The following RSL1D1 variants were observed in gnomAD, a reference collection of about 807,000 sequenced individuals.
RSL1D1 encodes the protein ribosomal L1 domain containing 1.
RSL1D1 carries 34 observed loss-of-function variants against 44.6 expected under a neutral mutation model. The ratio of observed to expected loss-of-function variants is 0.76; its 90% CI spans 0.58 to 1.02. The LOEUF is 1.02. Among genes scored for constraint, RSL1D1 ranks in the 50% least tolerant of loss-of-function variants. The pLI is 0.00. For synonymous variants in RSL1D1, 271 were observed against 207.4 expected, an observed-to-expected ratio of 1.31 and a Z score of -2.63; for missense variants, 767 against 568.1, an observed-to-expected ratio of 1.35 and a Z score of -3.56.
intron 8 of RSL1D1, among the ~76,000 whole-genome samples, 183 bp downstream of exon 8, chr16:11,839,511 TA>T (rs1384929541): frequency 7.7e-6 from 1 of 129,932 alleles, no homozygotes; most frequent in African/African-American, 3.0e-5. Context: ...CTGGGCAATA[TA>T]GCAAGATCCC....
At chr16:11,847,618 C>T (rs1202795251) in intron 3 of RSL1D1, 50 bp downstream of exon 3, 2 of 1,478,506 alleles carry the variant, frequency 1.4e-6, no homozygotes, top group Non-Finnish European at 1.9e-6. Flanking sequence ...TACCATTTCG[C>T]CTGAATTAAA....
At chr16:11,846,343 C>T (rs1335253576) in intron 5 of RSL1D1, among the ~76,000 whole-genome samples, 158 bp downstream of exon 5, 1 of 149,792 alleles carries the variant, frequency 6.7e-6, no homozygotes, top group Admixed American at 6.7e-5. Context: ...TGCAGTGAGT[C>T]GAGATGGTGC....
At chr16:11,843,653 G>A (rs1264785718) in intron 5 of RSL1D1, among the ~76,000 whole-genome samples, 3 of 151,818 alleles carry the variant, frequency 2.0e-5, no homozygotes, top group Non-Finnish European at 4.4e-5. Context: ...CAGATCACGA[G>A]GTCAGGAGAC....
intron 2 of RSL1D1, among the ~76,000 whole-genome samples, chr16:11,848,906 C>T (rs915688941): frequency 6.6e-6 from 1 of 151,502 alleles, no homozygotes; most frequent in Non-Finnish European, 1.5e-5. Context: ...GCCTCCCAAA[C>T]AGCTGGGATT....
chr16:11,846,475 G>T, intron 5 of RSL1D1, 26 bp downstream of exon 5: 1 of 1,062,490 alleles, frequency 9.4e-7, no homozygotes, highest in South Asian at 1.4e-5. Context: ...GATTAAAAGA[G>T]GCACACATGA....
In RSL1D1 at chr16:11,846,751, G is replaced by C. The variant is rs2053801639; in HGVS notation, c.477C>G (p.Ala159=). 3 of 1,613,924 alleles carry C rather than the reference G, an allele frequency of 1.9e-6. No individual in the cohort carries two copies. Among genetic ancestry groups the C allele is most frequent in the Non-Finnish European group, 2.5e-6 (3 of 1,179,862 alleles). The change falls in exon 4 of 9, where the codon GCC becomes GCG. Residue 159 remains alanine, a synonymous_variant. Coordinates refer to ENST00000571133, the MANE Select transcript of RSL1D1 (RefSeq NM_015659.3). ...GTGAGGGTAAGAGCCGCCTAATTCT[G>C]GCATCAGTAAGGAAGAAATCAAAAC... is the stretch of plus-strand genomic sequence containing the variant. ...LSSFDFFLTD[A]RIRRLLPSLI... is the part of the protein sequence containing the mutation.
intron 2 of RSL1D1, among the ~76,000 whole-genome samples, chr16:11,848,559 C>T (rs1055877075): frequency 4.6e-5 from 7 of 152,176 alleles, no homozygotes; most frequent in African/African-American, 1.4e-4. Flanking sequence ...GGGTTTTGCT[C>T]AGTACCCAAG....
chr16:11,839,637 G>A (rs2053749531), intron 8 of RSL1D1, 58 bp downstream of exon 8: 3 of 1,592,276 alleles, frequency 1.9e-6, no homozygotes, highest in Non-Finnish European at 2.6e-6. Flanking sequence ...CACAGTACCT[G>A]CCTGACACAG....
In RSL1D1 at chr16:11,834,563, T is replaced by C. The variant is rs977554199; in HGVS notation, c.*3224A>G. The C allele has an allele frequency of 1.1e-4, 17 of 152,218 alleles. No individual in the cohort carries two copies. Among genetic ancestry groups the C allele is most frequent in the African/African-American group, 4.1e-4 (17 of 41,448 alleles). The allele number at this position is 152,218 out of a possible 1,614,324, so 9.4% of individuals were successfully genotyped here. Reference sequence around the variant, plus strand: ...ACACAGCTATTGCTGGAAAATTATGTCATGCAGAGAACAGACTGGCACGAT... The same window carrying C: ...ACACAGCTATTGCTGGAAAATTATGCCATGCAGAGAACAGACTGGCACGAT... On this transcript the variant is annotated 3_prime_UTR_variant, in exon 9 of 9. Transcript: ENST00000571133.
Position 11,837,955 on chromosome 16 carries a change from T to A in RSL1D1, c.1305A>T (p.Lys435Asn). 6.2e-7 allele frequency: 1 copy of A among 1,614,122 alleles called. No homozygotes were observed. The highest frequency in any genetic ancestry group is 8.5e-7 in the Non-Finnish European group (1 of 1,180,014). ...GKSPEKKPKIKEEAVKEKSPS... is the reference protein window; with the variant it reads ...GKSPEKKPKINEEAVKEKSPS... ...GACTTTTTTCCTTCACTGCCTCTTCTTTGATTTTTGGCTTCTTCTCTGGGC... is the reference window on the plus strand; with the variant it reads ...GACTTTTTTCCTTCACTGCCTCTTCATTGATTTTTGGCTTCTTCTCTGGGC... The change falls in exon 9 of 9, where the codon AAA (lysine) becomes AAT (asparagine). Residue 435 changes from lysine to asparagine, a missense_variant. Coordinates refer to ENST00000571133, the MANE Select transcript of RSL1D1 (RefSeq NM_015659.3).
Position 11,837,799 on chromosome 16 carries a change from G to C in RSL1D1, c.1461C>G (p.Pro487=), listed in dbSNP as rs749354828. The change falls in exon 9 of 9, where the codon CCC becomes CCG. Residue 487 remains proline (P), a synonymous_variant. Coordinates refer to ENST00000571133, the MANE Select transcript of RSL1D1 (RefSeq NM_015659.3). ...PKKWPKKPKV[P]QST is the part of the protein sequence containing the mutation. ...TGAATCACTGACTTTAGGTCGACTGGGGTACTTTGGGTTTTTTGGGCCATT... is the reference window on the plus strand; with the variant it reads ...TGAATCACTGACTTTAGGTCGACTGCGGTACTTTGGGTTTTTTGGGCCATT... The C allele has an allele frequency of 6.2e-7, 1 of 1,608,614 alleles. No homozygotes were observed. Among genetic ancestry groups the C allele is most frequent in the Middle Eastern group, 1.7e-4 (1 of 6,030 alleles).
At chr16:11,841,304 G>C (rs1030032588) in intron 7 of RSL1D1, 1 of 163,004 alleles carries the variant, frequency 6.1e-6, no homozygotes, top group South Asian at 1.6e-4. Context: ...CCAGCTACTC[G>C]GGAGGCTGAA....
chr16:11,842,506 G>C (rs1241026014), intron 5 of RSL1D1, among the ~76,000 whole-genome samples: 1 of 151,326 alleles, frequency 6.6e-6, no homozygotes, highest in Non-Finnish European at 1.5e-5. Context: ...CGGAGTAGCT[G>C]GGACTACAGG....
intron 7 of RSL1D1, among the ~76,000 whole-genome samples, chr16:11,841,064 T>C (rs1000576788): frequency 6.6e-6 from 1 of 152,166 alleles, no homozygotes; most frequent in Admixed American, 6.6e-5. Flanking sequence ...TATGGTGATG[T>C]TTCTATGACC....
Position 11,834,759 on chromosome 16 carries a change from A to T in RSL1D1, c.*3028T>A, listed in dbSNP as rs1275204519. ...CCAAAAGGACAGTGGGGTTACAAAT[A>T]ATTTTATATTTTAGATGCTTTCATA... On this transcript the variant is annotated 3_prime_UTR_variant, in exon 9 of 9. Coordinates refer to ENST00000571133, the MANE Select transcript of RSL1D1 (RefSeq NM_015659.3). 2 of 152,244 alleles carry T rather than the reference A, an allele frequency of 1.3e-5. No individual in the cohort carries two copies. The highest frequency in any genetic ancestry group is 6.5e-5 in the Admixed American group (1 of 15,282). 9.4% of individuals were successfully genotyped at this position (152,244 alleles called of 1,614,324 possible). A position where few individuals can be genotyped will look rare whatever the true frequency, so the allele number is the denominator to read the frequency against.
rs2053723766 is a variant in RSL1D1, at chr16:11,836,824, C to CA, written c.*962dup. 6.6e-6 allele frequency: 1 copy of CA among 152,220 alleles called. No individual in the cohort carries two copies. Among genetic ancestry groups the CA allele is most frequent in the Admixed American group, 6.5e-5 (1 of 15,278 alleles). 9.4% of individuals were successfully genotyped at this position (152,220 alleles called of 1,614,324 possible). A position where few individuals can be genotyped will look rare whatever the true frequency, so the allele number is the denominator to read the frequency against. The stretch of plus-strand genomic sequence containing the variant: ...GCCGACTCTCATACAGCGAGACCCT[C>CA]ACTGGGCCACTCTGGGAATGACTAC... On this transcript the variant is annotated 3_prime_UTR_variant, in exon 9 of 9. Transcript: ENST00000571133.
rs1243556119 is a variant in RSL1D1, at chr16:11,842,005, A to C, written c.636-5T>G. 6.3e-7 allele frequency: 1 copy of C among 1,594,692 alleles called. No homozygotes were observed. The highest frequency in any genetic ancestry group is 8.6e-7 in the Non-Finnish European group (1 of 1,166,702). On this transcript the variant is annotated splice_region_variant and splice_polypyrimidine_tract_variant and intron_variant, in intron 5 of 8. Coordinates refer to ENST00000571133, the MANE Select transcript of RSL1D1 (RefSeq NM_015659.3). ...ACGTGACCAATACGTATAGCACTGA[A>C]ATTTAATATAGTATTAGACAAGATT...
chr16:11,838,650 A>G (rs2053739223), intron 8 of RSL1D1, among the ~76,000 whole-genome samples: 1 of 151,658 alleles, frequency 6.6e-6, no homozygotes, highest in African/African-American at 2.4e-5. Flanking sequence ...TGAGGCCAGG[A>G]GTTCAAGAGT....
chr16:11,845,152 C>T (rs998107116), intron 5 of RSL1D1, among the ~76,000 whole-genome samples: 1 of 152,148 alleles, frequency 6.6e-6, no homozygotes, highest in Non-Finnish European at 1.5e-5. Context: ...TAATATGGTG[C>T]TTTTAAAGGA....
Sources: allele counts gnomAD v4.1 joint callset (sites outside exome capture counted in the v4.1 genomes callset), GRCh38; gene constraint gnomAD v4.1.1; transcripts MANE v1.5; gene names NCBI Gene and HGNC (gene_info 2026-07-23, HGNC 2026-07-21).